GRM7: variants seen among roughly 807,000 people sequenced by gnomAD.
GRM7 encodes metabotropic glutamate receptor 7.
Under a neutral mutation model 84.5 loss-of-function variants are expected in GRM7, and 35 were observed. The observed-to-expected ratio is 0.41, with a 90% CI of 0.32 to 0.55. GRM7 has a LOEUF of 0.55. Among genes scored for constraint, GRM7 ranks in the 20% least tolerant of loss-of-function variants. The pLI is 0.19. For missense variants in GRM7, 1,003 were observed against 1,194.6 expected, an observed-to-expected ratio of 0.84 and a Z score of 2.36; for synonymous variants, 487 against 455.1, an observed-to-expected ratio of 1.07 and a Z score of -0.89.
intron 1 of GRM7, among the ~76,000 whole-genome samples, chr3:6,930,172 T>C (rs919374437): frequency 6.6e-6 from 1 of 152,156 alleles, no homozygotes; most frequent in Admixed American, 6.6e-5. Context: ...GCCTTGTCTG[T>C]AGGTGGAAAT....
At chr3:7,293,400 G>A (rs1699703955) in intron 2 of GRM7, among the ~76,000 whole-genome samples, 1 of 152,098 alleles carries the variant, frequency 6.6e-6, no homozygotes, top group East Asian at 1.9e-4. Flanking sequence ...TTACTTCAGT[G>A]GCTTGTATGT....
chr3:7,636,860 C>G (rs917959210), intron 8 of GRM7, among the ~76,000 whole-genome samples: 3 of 152,128 alleles, frequency 2.0e-5, no homozygotes, highest in Non-Finnish European at 2.9e-5. Context: ...GCAGACCTGT[C>G]AGGGTTACTG....
intron 8 of GRM7, among the ~76,000 whole-genome samples, chr3:7,660,004 T>G (rs1348533353): frequency 6.6e-6 from 1 of 152,210 alleles, no homozygotes; most frequent in Non-Finnish European, 1.5e-5. Context: ...CAGAGAAAAC[T>G]GAAGTTCTGT....
Position 7,741,429 on chromosome 3 carries a change from T to TGGAAAAAAACAACCCTTGC in GRM7, c.*1024_*1042dup, listed in dbSNP as rs1169884008. 2 of 152,608 alleles carry TGGAAAAAAACAACCCTTGC rather than the reference T, an allele frequency of 1.3e-5. No homozygotes were observed. The highest frequency in any genetic ancestry group is 4.8e-5 in the African/African-American group (2 of 41,444). 9.5% of individuals were successfully genotyped at this position (152,608 alleles called of 1,614,324 possible). On this transcript the variant is annotated 3_prime_UTR_variant, in exon 10 of 10. Transcript: ENST00000357716. Reference sequence around the variant, plus strand: ...TCTTGCTGCTTATGTGCCAATTTAGTGGAAAAAAACAACCCTTGCTGAAAA... The same window carrying TGGAAAAAAACAACCCTTGC: ...TCTTGCTGCTTATGTGCCAATTTAGTGGAAAAAAACAACCCTTGCGGAAAAAAACAACCCTTGCTGAAAA...
chr3:7,554,728 G>C (rs1693677641), intron 7 of GRM7, among the ~76,000 whole-genome samples: 1 of 152,204 alleles, frequency 6.6e-6, no homozygotes, highest in Non-Finnish European at 1.5e-5. Flanking sequence ...ATTAGTTGGT[G>C]CTGCCATTTT....
intron 2 of GRM7, among the ~76,000 whole-genome samples, chr3:7,245,184 A>G (rs1406754120): frequency 6.6e-6 from 1 of 152,046 alleles, no homozygotes; most frequent in African/African-American, 2.4e-5. Context: ...ATCAAGTAGC[A>G]TGACATACCC....
intron 1 of GRM7, among the ~76,000 whole-genome samples, chr3:6,993,673 G>C (rs1408045882): frequency 6.6e-6 from 1 of 152,178 alleles, no homozygotes; most frequent in Non-Finnish European, 1.5e-5. Context: ...AGCCAGTTAG[G>C]AGCATATTGC....
intron 1 of GRM7, among the ~76,000 whole-genome samples, chr3:7,119,080 C>T (rs1383966389): frequency 6.6e-6 from 1 of 152,050 alleles, no homozygotes; most frequent in African/African-American, 2.4e-5. Context: ...GTTAAATTTT[C>T]AGTTCTTTTC....
chr3:6,956,049 A>T (rs1040921724), intron 1 of GRM7, among the ~76,000 whole-genome samples: 3 of 152,180 alleles, frequency 2.0e-5, no homozygotes, highest in African/African-American at 7.2e-5. Flanking sequence ...ATTAGTAAAG[A>T]CAAATTCCAT....
chr3:7,485,867 A>G (rs1448027572), intron 7 of GRM7, among the ~76,000 whole-genome samples: 2 of 152,218 alleles, frequency 1.3e-5, no homozygotes, highest in Non-Finnish European at 2.9e-5. Flanking sequence ...CTCTGTTCAC[A>G]TGTAAGAGTC....
At chr3:7,409,681 A>C (rs1575293631) in intron 4 of GRM7, among the ~76,000 whole-genome samples, 1 of 151,350 alleles carries the variant, frequency 6.6e-6, no homozygotes, top group Non-Finnish European at 1.5e-5. Flanking sequence ...GCTCACTGCA[A>C]CCTCTGCCTC....
At chr3:7,184,578 T>G (rs927274798) in intron 2 of GRM7, among the ~76,000 whole-genome samples, 3 of 149,838 alleles carry the variant, frequency 2.0e-5, no homozygotes, top group Non-Finnish European at 4.4e-5. Flanking sequence ...CTTTCCTCTA[T>G]TTTGTAAACT....
At chr3:7,553,815 C>A (rs142540922) in intron 7 of GRM7, among the ~76,000 whole-genome samples, 1 of 152,120 alleles carries the variant, frequency 6.6e-6, no homozygotes, top group Admixed American at 6.5e-5. Context: ...GATTACAATT[C>A]GATATGAGAT....
chr3:7,072,494 C>T (rs1466655830), intron 1 of GRM7, among the ~76,000 whole-genome samples: 1 of 151,968 alleles, frequency 6.6e-6, no homozygotes, highest in Non-Finnish European at 1.5e-5. Flanking sequence ...CTAGCCTTGG[C>T]AACATAGTGA....
intron 1 of GRM7, among the ~76,000 whole-genome samples, chr3:6,868,545 A>G (rs1362639444): frequency 6.6e-6 from 1 of 152,174 alleles, no homozygotes; most frequent in African/African-American, 2.4e-5. Context: ...TAGACTTTTC[A>G]TTCAAATAAA....
At position 7,055,509 on chromosome 3, in the gene GRM7, G is replaced by GTA. The variant is rs1332649950; in HGVS notation, c.520-90930_520-90929dup. On this transcript the variant is annotated intron_variant, in intron 1 of 9. Coordinates refer to ENST00000357716, the MANE Select transcript of GRM7 (RefSeq NM_000844.4). ...TGTGTGTGTGTGTGTGTGTGTGTAT[G>GTA]TATATATATATATACATACACACAC... Among the ~76,000 whole-genome samples the GTA allele has an allele frequency of 2.8e-3, 397 of 143,242 alleles. 1 individual carries two copies. The highest frequency in any genetic ancestry group is 0.015 in the East Asian group (74 of 4,910). 94.0% of individuals were successfully genotyped at this position (143,242 alleles called of 152,430 possible).
At chr3:7,257,733 T>C (rs1361899041) in intron 2 of GRM7, among the ~76,000 whole-genome samples, 1 of 152,214 alleles carries the variant, frequency 6.6e-6, no homozygotes, top group Non-Finnish European at 1.5e-5. Flanking sequence ...GGATCAGACC[T>C]TGAGCATCTT....
At chr3:7,448,654 G>T (rs1697632699) in intron 5 of GRM7, among the ~76,000 whole-genome samples, 1 of 152,050 alleles carries the variant, frequency 6.6e-6, no homozygotes, top group African/African-American at 2.4e-5. Context: ...TGATTTTGTT[G>T]ATATAAGGCT....
chr3:7,229,720 CACACACATATATATATATATAT>C lies in GRM7; in HGVS notation c.737-68962_737-68941del, dbSNP rs1192876086. Among the ~76,000 whole-genome samples the C allele has an allele frequency of 1.8e-3, 25 of 14,242 alleles. 2 individuals carry two copies. The highest frequency in any genetic ancestry group is 1.9e-3 in the Non-Finnish European group (17 of 9,142). The allele number at this position is 14,242 out of a possible 152,430, so 9.3% of individuals were successfully genotyped here. On this transcript the variant is annotated intron_variant, in intron 2 of 9. Coordinates refer to ENST00000357716, the MANE Select transcript of GRM7 (RefSeq NM_000844.4). Reference sequence around the variant, plus strand: ...CTTCCCCAACCCCGCTCTCCATAGACACACACATATATATATATATATATATATATATATATATATTTTTTTT... The same window carrying C: ...CTTCCCCAACCCCGCTCTCCATAGACATATATATATATATATATTTTTTTT...
Sources: gnomAD v4.1 joint callset for allele counts (sites outside exome capture counted in the v4.1 genomes callset) on GRCh38, gnomAD v4.1.1 for gene constraint, MANE v1.5 for transcripts, NCBI Gene and HGNC (gene_info 2026-07-23, HGNC 2026-07-21) for gene names.